Variants in BRAP observed in about 807,000 individuals in gnomAD.
BRAP encodes BRCA1-associated protein.
Under a neutral mutation model 73.4 loss-of-function variants are expected in BRAP, and 42 were observed. The observed-to-expected ratio is 0.57, with a 90% CI of 0.45 to 0.74. The LOEUF (loss-of-function observed/expected upper bound fraction) is 0.74. Among genes scored for constraint, BRAP ranks in the 30% least tolerant of loss-of-function variants. The pLI is 0.00. For missense variants in BRAP, 593 were observed against 751.4 expected, an observed-to-expected ratio of 0.79 and a Z score of 2.46; for synonymous variants, 255 against 267.4, an observed-to-expected ratio of 0.95 and a Z score of 0.45.
At chr12:111,669,415 G>A (rs1220711066) in intron 5 of BRAP, among the ~76,000 whole-genome samples, 3 of 151,894 alleles carry the variant, frequency 2.0e-5, no homozygotes, top group African/African-American at 2.4e-5. Context: ...TAGTAGAGAC[G>A]GGGTTTCTTC....
chr12:111,652,240 T>C (rs1278474894), intron 10 of BRAP, among the ~76,000 whole-genome samples: 2 of 152,154 alleles, frequency 1.3e-5, no homozygotes, highest in East Asian at 3.9e-4. Context: ...GGTTTGTTTT[T>C]TGAGATGGAG....
At position 111,644,251 on chromosome 12, in the gene BRAP, C is replaced by A; in HGVS notation, c.1727G>T (p.Gly576Val). The change falls in exon 12 of 12, where the codon GGG becomes GTG. Residue 576 changes from glycine (G) to valine (V), a missense_variant. This residue lies in a region of BRAP where 79 missense variants were observed against 65.3 expected (regional missense o/e 1.21). Coordinates refer to ENST00000419234, the MANE Select transcript of BRAP (RefSeq NM_006768.5). ...CCTGGAGGGCAACTTCCCACTGCCC[C>A]CCGAAGAGGCAGGGCTCGAGGCCGA... The part of the protein sequence containing the change: ...MASASSPASS[G>V]GSGKLPSRKG... The A allele has an allele frequency of 1.2e-6, 2 of 1,613,936 alleles. No individual in the cohort carries two copies. Among genetic ancestry groups the A allele is most frequent in the South Asian group, 1.1e-5 (1 of 91,084 alleles).
chr12:111,660,434 G>C (rs761000996), intron 7 of BRAP, among the ~76,000 whole-genome samples, 166 bp downstream of exon 7: 1 of 151,954 alleles, frequency 6.6e-6, no homozygotes, highest in East Asian at 1.9e-4. Context: ...AGGACCGCTC[G>C]AGGCCAGGAG....
chr12:111,649,037 G>A (rs924302756), intron 11 of BRAP, among the ~76,000 whole-genome samples: 18 of 152,110 alleles, frequency 1.2e-4, no homozygotes, highest in African/African-American at 4.1e-4. Context: ...AAACCCGTCC[G>A]GTTTTTACTT....
chr12:111,651,279 C>T (rs1886313500), intron 10 of BRAP, among the ~76,000 whole-genome samples: 2 of 151,928 alleles, frequency 1.3e-5, no homozygotes, highest in African/African-American at 4.8e-5. Flanking sequence ...ATGGCTCACG[C>T]CTGTAATCCC....
chr12:111,680,123 A>C (rs1442763807), intron 3 of BRAP, among the ~76,000 whole-genome samples: 1 of 150,970 alleles, frequency 6.6e-6, no homozygotes, highest in East Asian at 2.0e-4. Context: ...CGCCGGGCTA[A>C]TTTTTGTATT....
intron 4 of BRAP, among the ~76,000 whole-genome samples, chr12:111,676,872 G>A (rs995268751): frequency 6.6e-6 from 1 of 152,126 alleles, no homozygotes; most frequent in Non-Finnish European, 1.5e-5. Flanking sequence ...CACCAAGAGG[G>A]TATTATTAGG....
intron 4 of BRAP, among the ~76,000 whole-genome samples, chr12:111,675,565 C>T (rs562110390): frequency 3.6e-4 from 54 of 150,514 alleles, no homozygotes; most frequent in African/African-American, 1.3e-3. Flanking sequence ...CCTACTTCAA[C>T]TCACCATCTA....
chr12:111,671,148 T>C (rs1887156125), intron 5 of BRAP, among the ~76,000 whole-genome samples: 1 of 151,878 alleles, frequency 6.6e-6, no homozygotes, highest in Non-Finnish European at 1.5e-5. Context: ...AAATATATCT[T>C]AAAATAAAGA....
intron 3 of BRAP, among the ~76,000 whole-genome samples, 165 bp from the exon 4 acceptor site, chr12:111,679,505 T>C (rs1371771832): frequency 6.6e-6 from 1 of 152,182 alleles, no homozygotes; most frequent in Non-Finnish European, 1.5e-5. Context: ...TAATCTTCAG[T>C]TCAACATTTA....
intron 4 of BRAP, among the ~76,000 whole-genome samples, chr12:111,677,823 C>G (rs1046060013): frequency 6.6e-6 from 1 of 152,124 alleles, no homozygotes; most frequent in Non-Finnish European, 1.5e-5. Flanking sequence ...ATAATTGAAA[C>G]CTTTTAAATG....
chr12:111,670,578 C>T (rs1023457555), intron 5 of BRAP, among the ~76,000 whole-genome samples: 1 of 152,126 alleles, frequency 6.6e-6, no homozygotes, highest in Admixed American at 6.6e-5. Flanking sequence ...ACTGCAACCT[C>T]GGCCTCCGGG....
chr12:111,643,870 T>C lies in BRAP; in HGVS notation c.*329A>G. The C allele has an allele frequency of 3.6e-6, 1 of 277,792 alleles. No homozygotes were observed. The highest frequency in any genetic ancestry group is 6.8e-6 in the Non-Finnish European group (1 of 147,210). The allele number at this position is 277,792 out of a possible 1,614,324, so 17.2% of individuals were successfully genotyped here. The stretch of plus-strand genomic sequence containing the variant: ...TAACATCTTAAACCTACCCCAGAAC[T>C]GAATGTCAAATACGCCAACTCCATA... On this transcript the variant is annotated 3_prime_UTR_variant, in exon 12 of 12. Coordinates refer to ENST00000419234, the MANE Select transcript of BRAP (RefSeq NM_006768.5).
intron 2 of BRAP, 106 bp downstream of exon 2, chr12:111,683,040 A>G (rs1187086678): frequency 3.1e-6 from 4 of 1,302,002 alleles, no homozygotes; most frequent in African/African-American, 3.0e-5. Flanking sequence ...AGTGAAAGAC[A>G]AAAGTATGCT....
intron 10 of BRAP, among the ~76,000 whole-genome samples, chr12:111,653,010 A>G (rs12579287): frequency 0.36 from 54,538 of 152,050 alleles, 14,316 homozygotes; most frequent in East Asian, 0.9. Flanking sequence ...GTGCCCGGCC[A>G]ACCCCCCGAT....
In BRAP at chr12:111,685,850, C is replaced by G; in HGVS notation, c.-58G>C. 2 of 1,323,892 alleles carry G rather than the reference C, an allele frequency of 1.5e-6. No individual in the cohort carries two copies. The highest frequency in any genetic ancestry group is 2.0e-6 in the Non-Finnish European group (2 of 1,016,730). 82.0% of individuals were successfully genotyped at this position (1,323,892 alleles called of 1,614,324 possible). On this transcript the variant is annotated 5_prime_UTR_variant, in exon 1 of 12. Coordinates refer to ENST00000419234, the MANE Select transcript of BRAP (RefSeq NM_006768.5). ...GGCTCAGGCGAGGCTGGAAGGCGAGCCGAGAGGCCGAGCGGCCCGGGGCCG... is the reference window on the plus strand; with the variant it reads ...GGCTCAGGCGAGGCTGGAAGGCGAGGCGAGAGGCCGAGCGGCCCGGGGCCG...
At chr12:111,668,211 G>C (rs1306732115) in intron 5 of BRAP, among the ~76,000 whole-genome samples, 1 of 152,004 alleles carries the variant, frequency 6.6e-6, no homozygotes, top group Non-Finnish European at 1.5e-5. Flanking sequence ...CGTCTGGGTC[G>C]GGGCGGGGTG....
In BRAP at chr12:111,642,820, G is replaced by A. The variant is rs1251135520; in HGVS notation, c.*1379C>T. The stretch of plus-strand genomic sequence containing the variant: ...TTACACGTAAAGTTTTTTGGGAAAT[G>A]CTGCAGCACATCCCACAAAAACAGA... On this transcript the variant is annotated 3_prime_UTR_variant, in exon 12 of 12. Transcript: ENST00000419234. 6.6e-6 allele frequency: 1 copy of A among 152,116 alleles called. No homozygotes were observed. Among genetic ancestry groups the A allele is most frequent in the Non-Finnish European group, 1.5e-5 (1 of 68,018 alleles). 9.4% of individuals were successfully genotyped at this position (152,116 alleles called of 1,614,324 possible).
intron 10 of BRAP, 53 bp from the exon 11 acceptor site, chr12:111,650,095 T>C: frequency 2.3e-6 from 3 of 1,281,736 alleles, no homozygotes. Context: ...TGTGGTGTGC[T>C]CTTTGGGACC....
Sources: allele counts gnomAD v4.1 joint callset (sites outside exome capture counted in the v4.1 genomes callset), GRCh38; gene constraint gnomAD v4.1.1; regional missense constraint gnomAD v4.1.1; transcripts MANE v1.5; gene names NCBI Gene and HGNC (gene_info 2026-07-23, HGNC 2026-07-21).